Variants in PKD2 observed in about 807,000 individuals in gnomAD.
PKD2 encodes polycystin-2.
Under a neutral mutation model 105.9 loss-of-function variants are expected in PKD2, and 48 were observed. The observed-to-expected ratio is 0.45, with a 90% CI of 0.36 to 0.58. PKD2 has a LOEUF of 0.58. PKD2 is among the 20% of genes least tolerant of loss of function. The pLI is 0.00. For synonymous variants in PKD2, 464 were observed against 481.1 expected (o/e 0.96, Z 0.46); for missense variants, 1,078 against 1,255.3 (o/e 0.86, Z 2.13).
chr4:88,057,907 C>T (rs1008044552), intron 8 of PKD2, 76 bp from the exon 9 acceptor site: 14 of 1,157,478 alleles, frequency 1.2e-5, no homozygotes, highest in Admixed American at 3.4e-5. Flanking sequence ...ATAATGAAAT[C>T]ATCTTTAAGA....
In PKD2 at chr4:88,007,769, CG is replaced by C. The variant is rs1330699507; in HGVS notation, c.40del (p.Asp14ThrfsTer16). On this transcript the variant is annotated frameshift_variant, in exon 1 of 15. Coordinates refer to ENST00000237596, the MANE Select transcript of PKD2 (RefSeq NM_000297.4). LOFTEE classifies it high-confidence loss of function. ...CCAGTCGCGTGCAGCCTCAGCAGCC[CG>C]GGGACGCCAAGCGGCCGCCCGCGCC... ...NSSRVQPQQP[G>X]DAKRPPAPRA... 1.8e-5 allele frequency: 21 copies of C among 1,182,742 alleles called. No individual in the cohort carries two copies. The highest frequency in any genetic ancestry group is 1.2e-4 in the South Asian group (5 of 40,552). The allele number at this position is 1,182,742 out of a possible 1,614,324, so 73.3% of individuals were successfully genotyped here.
At chr4:88,056,394 T>G in intron 8 of PKD2, 127 bp downstream of exon 8, 1 of 652,576 alleles carries the variant, frequency 1.5e-6, no homozygotes, top group Admixed American at 2.6e-5. Context: ...AAGTAAGAAT[T>G]AATTACCTTT....
At position 88,040,259 on chromosome 4, in the gene PKD2, A is replaced by G. The variant is rs150330319; in HGVS notation, c.1094+1758A>G. Among the ~76,000 whole-genome samples, 204 of 152,112 alleles carry G rather than the reference A, an allele frequency of 1.3e-3. 1 individual carries two copies. The highest frequency in any genetic ancestry group is 4.8e-3 in the African/African-American group (198 of 41,508). ...TCTTCCATATTAATTCCTCCTCCAT[A>G]TTAATTGCGTCGTTAGGGTGGCTTG... On this transcript the variant is annotated intron_variant, in intron 4 of 14. Transcript: ENST00000237596.
At position 88,038,500 on chromosome 4, in the gene PKD2, G is replaced by A. The variant is rs926203174; in HGVS notation, c.1093G>A (p.Ala365Thr). ...TCCCTTTGGGCCCCGAAATGGAACC[G>A]CGTAAGTGTCTGTGACTCATTGCCA... ...RAPFGPRNGT[A>T]WIYTSEKDLN... Residue 365 changes from alanine to threonine, a missense_variant and splice_region_variant, in exon 4 of 15, where the codon GCT (alanine) becomes ACT (threonine). By Grantham distance (58) the Ala-to-Thr change is moderately conservative (BLOSUM62 0). Coordinates refer to ENST00000237596, the MANE Select transcript of PKD2 (RefSeq NM_000297.4). 5.6e-6 allele frequency: 9 copies of A among 1,613,646 alleles called. No homozygotes were observed. The highest frequency in any genetic ancestry group is 2.2e-5 in the East Asian group (1 of 44,890).
At chr4:88,068,972 C>T (rs917224433) in intron 13 of PKD2, among the ~76,000 whole-genome samples, 8 of 152,030 alleles carry the variant, frequency 5.3e-5, no homozygotes, top group Non-Finnish European at 8.8e-5. Flanking sequence ...AATATATTGA[C>T]CCTATTTTCT....
chr4:88,011,525 T>C (rs183260056), intron 1 of PKD2, among the ~76,000 whole-genome samples: 24 of 152,286 alleles, frequency 1.6e-4, no homozygotes, highest in Middle Eastern at 3.4e-3. Flanking sequence ...TCGACTCTTA[T>C]TTCTCCTAAA....
At chr4:88,060,431 C>G (rs1257063787) in intron 9 of PKD2, among the ~76,000 whole-genome samples, 1 of 131,152 alleles carries the variant, frequency 7.6e-6, no homozygotes, top group Non-Finnish European at 1.5e-5. Context: ...ATTTACTAAG[C>G]CACTATATCC....
chr4:88,071,775 T>C (rs906695425), intron 13 of PKD2, among the ~76,000 whole-genome samples: 5 of 152,118 alleles, frequency 3.3e-5, no homozygotes, highest in Non-Finnish European at 7.4e-5. Context: ...GGGAAGACAG[T>C]GGTTTTAGCA....
intron 6 of PKD2, among the ~76,000 whole-genome samples, chr4:88,049,963 G>C (rs1242868530): frequency 6.7e-6 from 1 of 148,592 alleles, no homozygotes; most frequent in African/African-American, 2.6e-5. Context: ...AGGTTGTACA[G>C]GGTAAATTTT....
chr4:88,074,739 C>G lies in PKD2; in HGVS notation c.2523-73C>G. 1.7e-5 allele frequency: 26 copies of G among 1,533,642 alleles called. No homozygotes were observed. In the South Asian group the frequency reaches 2.6e-4, roughly 15 times the overall value. ...CTTAAGAAAAAAATCTTAGCACTTC[C>G]TTTTGAAAAGCCAGTGGGGCTGAAA... On this transcript the variant is annotated intron_variant, in intron 13 of 14. Coordinates refer to ENST00000237596, the MANE Select transcript of PKD2 (RefSeq NM_000297.4).
chr4:88,037,154 G>A (rs796229019), intron 3 of PKD2, among the ~76,000 whole-genome samples: 16 of 152,058 alleles, frequency 1.1e-4, no homozygotes, highest in Admixed American at 5.2e-4. Context: ...TCACTTGAGC[G>A]ATTGCTTGAG....
chr4:88,049,948 T>C (rs1165559148), intron 6 of PKD2, among the ~76,000 whole-genome samples: 1 of 151,708 alleles, frequency 6.6e-6, no homozygotes, highest in East Asian at 1.9e-4. Context: ...TATTGACCAC[T>C]TGCTAGGTTG....
intron 10 of PKD2, 25 bp from the exon 11 acceptor site, chr4:88,065,349 C>A (rs1209055608): frequency 5.0e-6 from 8 of 1,606,134 alleles, no homozygotes; most frequent in Admixed American, 1.7e-5. Context: ...TAAACCAAGT[C>A]TTTTATTTTT....
At chr4:88,022,733 T>C (rs1726796557) in intron 2 of PKD2, among the ~76,000 whole-genome samples, 1 of 152,208 alleles carries the variant, frequency 6.6e-6, no homozygotes, top group South Asian at 2.1e-4. Context: ...CCCTATGGCT[T>C]AAGTATTAGG....
intron 1 of PKD2, among the ~76,000 whole-genome samples, chr4:88,017,017 A>G (rs142671824): frequency 6.4e-4 from 97 of 151,868 alleles, no homozygotes; most frequent in African/African-American, 2.1e-3. Flanking sequence ...ATATGGATGT[A>G]TATCATATAA....
intron 6 of PKD2, among the ~76,000 whole-genome samples, chr4:88,049,351 T>G (rs1261297132): frequency 1.3e-5 from 2 of 152,258 alleles, no homozygotes; most frequent in Non-Finnish European, 2.9e-5. Context: ...TGAATTGCCT[T>G]GCACCTGCTT....
At chr4:88,013,804 G>A (rs1439781907) in intron 1 of PKD2, among the ~76,000 whole-genome samples, 2 of 152,026 alleles carry the variant, frequency 1.3e-5, no homozygotes, top group African/African-American at 4.8e-5. Flanking sequence ...AAGAATGAGA[G>A]GGGAATACAA....
chr4:88,068,428 C>A (rs1177051483), intron 13 of PKD2, among the ~76,000 whole-genome samples: 2 of 151,708 alleles, frequency 1.3e-5, no homozygotes, highest in African/African-American at 4.8e-5. Flanking sequence ...CGAGATGGCT[C>A]CACTGCACAC....
At chr4:88,008,351 G>A (rs1471789214) in intron 1 of PKD2, 23 bp downstream of exon 1, 7 of 1,511,112 alleles carry the variant, frequency 4.6e-6, no homozygotes, top group Non-Finnish European at 6.2e-6. Context: ...GACCCGCAGC[G>A]GCAGATGCAC....
Sources: gnomAD v4.1 joint callset for allele counts (sites outside exome capture counted in the v4.1 genomes callset) on GRCh38, gnomAD v4.1.1 for gene constraint, MANE v1.5 for transcripts, NCBI Gene and HGNC (gene_info 2026-07-23, HGNC 2026-07-21) for gene names.